MRPS6: variants seen among roughly 807,000 people sequenced by gnomAD.
MRPS6 encodes mitochondrial ribosomal protein S6.
In MRPS6, 6 loss-of-function variants were observed where a neutral mutation model predicts 13.1. That is an observed-to-expected ratio of 0.46 (90% CI 0.25 to 0.91). The LOEUF (loss-of-function observed/expected upper bound fraction) is 0.91, where lower values mean the gene tolerates loss of function less well. MRPS6 is among the 40% of genes least tolerant of loss of function. The probability of loss-of-function intolerance (pLI) is 0.18; values close to 1 mark genes in which losing one functional copy is unlikely to be tolerated. For missense variants in MRPS6, 164 were observed against 155.6 expected, an observed-to-expected ratio of 1.05 and a Z score of -0.29; for synonymous variants, 61 against 56.5, an observed-to-expected ratio of 1.08 and a Z score of -0.36.
intron 1 of MRPS6, among the ~76,000 whole-genome samples, chr21:34,086,649 T>C (rs1978398695): frequency 6.6e-6 from 1 of 152,186 alleles, no homozygotes; most frequent in Non-Finnish European, 1.5e-5. Flanking sequence ...TCCTCAGTTT[T>C]CTCATTTGTA....
rs759387935 is a variant in MRPS6, at chr21:34,142,599, GAGAAGATTCGCC to G, written c.*3_*14del. On this transcript the variant is annotated stop_retained_variant and 3_prime_UTR_variant, in exon 3 of 3. Transcript: ENST00000399312. ...TATTCCACAAAGAAGAGGAAGAAGT[GAGAAGATTCGCC>G]AGATTTTAGCCTTATATGTAATTCC... 1 of 1,596,168 alleles carries G rather than the reference GAGAAGATTCGCC, an allele frequency of 6.3e-7. No individual in the cohort carries two copies.
chr21:34,101,093 T>A lies in MRPS6; in HGVS notation c.46-24248T>A, dbSNP rs570682503. On this transcript the variant is annotated intron_variant, in intron 1 of 2. Coordinates refer to ENST00000399312, the MANE Select transcript of MRPS6 (RefSeq NM_032476.4). ...GACCTTTCCTGTTAAATTACGTGAC[T>A]ACAGAGACTTGCCAGGACAAAATTT... 3.0e-6 allele frequency: 3 copies of A among 1,000,102 alleles called. No homozygotes were observed. In the East Asian group the frequency reaches 3.4e-4, roughly 113 times the overall value. The allele number at this position is 1,000,102 out of a possible 1,614,324, so 62.0% of individuals were successfully genotyped here.
intron 1 of MRPS6, among the ~76,000 whole-genome samples, chr21:34,113,850 A>T (rs752245588): frequency 6.6e-6 from 1 of 152,060 alleles, no homozygotes; most frequent in Non-Finnish European, 1.5e-5. Context: ...CTACCATCTA[A>T]ATCTTTGGTT....
chr21:34,074,949 C>G (rs1226675132), intron 1 of MRPS6, among the ~76,000 whole-genome samples: 2 of 152,230 alleles, frequency 1.3e-5, no homozygotes, highest in Non-Finnish European at 2.9e-5. Context: ...TCCAGACAGC[C>G]TGGCCAGGCA....
At chr21:34,134,391 GA>G (rs989216001) in intron 2 of MRPS6, among the ~76,000 whole-genome samples, 3 of 152,144 alleles carry the variant, frequency 2.0e-5, no homozygotes, top group African/African-American at 7.2e-5. Flanking sequence ...GGAACCCTGG[GA>G]GTCTTCATCA....
chr21:34,108,121 A>G (rs1307806988), intron 1 of MRPS6, among the ~76,000 whole-genome samples: 1 of 152,170 alleles, frequency 6.6e-6, no homozygotes, highest in Non-Finnish European at 1.5e-5. Context: ...ACTCCTGTTG[A>G]TGGTGGTGCT....
At position 34,086,178 on chromosome 21, in the gene MRPS6, C is replaced by A. The variant is rs79895420; in HGVS notation, c.45+12433C>A. On this transcript the variant is annotated intron_variant, in intron 1 of 2. Transcript: ENST00000399312. Reference sequence around the variant, plus strand: ...TTCTATTCCAGGTAATTTCTGTAGACCCATAGGTTCTAGAAATTTGATTAG... The same window carrying A: ...TTCTATTCCAGGTAATTTCTGTAGAACCATAGGTTCTAGAAATTTGATTAG... 7.5e-3 allele frequency among the ~76,000 whole-genome samples: 1,141 copies of A among 152,246 alleles called. 14 individuals carry two copies. The highest frequency in any genetic ancestry group is 0.026 in the African/African-American group (1,094 of 41,532).
At chr21:34,132,027 C>T (rs1489617353) in intron 2 of MRPS6, among the ~76,000 whole-genome samples, 1 of 152,180 alleles carries the variant, frequency 6.6e-6, no homozygotes, top group Non-Finnish European at 1.5e-5. Context: ...TGGAAGCAAC[C>T]AGGAATTGGT....
At chr21:34,135,296 T>G in intron 2 of MRPS6, 2 of 218,636 alleles carry the variant, frequency 9.1e-6, no homozygotes, top group Non-Finnish European at 1.9e-5. Context: ...TAACTGTAGG[T>G]GTATGTTTAG....
intron 1 of MRPS6, among the ~76,000 whole-genome samples, chr21:34,113,241 G>C (rs1373268497): frequency 6.6e-6 from 1 of 152,126 alleles, no homozygotes; most frequent in Non-Finnish European, 1.5e-5. Context: ...CTGGATAAAT[G>C]GAATAAAATC....
At chr21:34,116,105 C>T (rs1456006489) in intron 1 of MRPS6, among the ~76,000 whole-genome samples, 1 of 151,910 alleles carries the variant, frequency 6.6e-6, no homozygotes, top group African/African-American at 2.4e-5. Flanking sequence ...CTTCCCTAGC[C>T]TCAAGCAATC....
At chr21:34,099,497 A>C (rs993512230) in intron 1 of MRPS6, 1 of 999,830 alleles carries the variant, frequency 1.0e-6, no homozygotes. Context: ...GTAAGAACTA[A>C]AATTTTCTTT....
In MRPS6 at chr21:34,109,742, C is replaced by T. The variant is rs528584358; in HGVS notation, c.46-15599C>T. The stretch of plus-strand genomic sequence containing the variant: ...TTTTCCCATTGTTGATTTTCTGCTT[C>T]TACTTCCTTTCTTCCAGAATGTTAT... On this transcript the variant is annotated intron_variant, in intron 1 of 2. Coordinates refer to ENST00000399312, the MANE Select transcript of MRPS6 (RefSeq NM_032476.4). Among the ~76,000 whole-genome samples, 3 of 152,192 alleles carry T rather than the reference C, an allele frequency of 2.0e-5. No homozygotes were observed. In the South Asian group the frequency reaches 6.2e-4, roughly 32 times the overall value.
In MRPS6 at chr21:34,125,357, C is replaced by T; in HGVS notation, c.62C>T (p.Thr21Ile). 6.2e-7 allele frequency: 1 copy of T among 1,611,668 alleles called. No homozygotes were observed. Among genetic ancestry groups the T allele is most frequent in the Middle Eastern group, 1.7e-4 (1 of 6,046 alleles). The change falls in exon 2 of 3, where the codon ACT (threonine) becomes ATT (isoleucine). Residue 21 changes from threonine (T) to isoleucine (I), a missense_variant. Thr to Ile is a moderately conservative substitution (Grantham distance 89). Coordinates refer to ENST00000399312, the MANE Select transcript of MRPS6 (RefSeq NM_032476.4). ...CAAAAACAGCCAGAGACTGCTGCTA[C>T]TTTGAAACGTACGATAGAGGCCCTG... ...KAMQRPETAA[T>I]LKRTIEALMD...
At chr21:34,100,734 TAG>T in intron 1 of MRPS6, 1 of 996,702 alleles carries the variant, frequency 1.0e-6, no homozygotes, top group Non-Finnish European at 1.2e-6. Context: ...TGAGAGCCAA[TAG>T]AGTGTGTCTG....
intron 1 of MRPS6, chr21:34,098,473 T>C (rs2148660340): frequency 1.0e-6 from 1 of 1,000,192 alleles, no homozygotes; most frequent in Admixed American, 6.1e-5. Context: ...ATTTTTTTTT[T>C]CCTCAAAAGA....
chr21:34,134,099 T>G (rs1980602826), intron 2 of MRPS6, among the ~76,000 whole-genome samples: 1 of 152,226 alleles, frequency 6.6e-6, no homozygotes, highest in Admixed American at 6.5e-5. Context: ...GATCACACTA[T>G]TTTAAGCTCT....
chr21:34,133,267 T>C (rs937193314), intron 2 of MRPS6, among the ~76,000 whole-genome samples: 4 of 152,254 alleles, frequency 2.6e-5, no homozygotes, highest in African/African-American at 9.6e-5. Context: ...CTTTTTACCC[T>C]TATCACATCA....
intron 1 of MRPS6, among the ~76,000 whole-genome samples, chr21:34,088,202 A>G (rs1378108804): frequency 3.6e-3 from 1 of 278 alleles, no homozygotes; most frequent in Non-Finnish European, 6.8e-3. Context: ...CTTAGATAGA[A>G]TCTATAGCTG....
Sources: allele counts gnomAD v4.1 joint callset (sites outside exome capture counted in the v4.1 genomes callset), GRCh38; gene constraint gnomAD v4.1.1; transcripts MANE v1.5; gene names NCBI Gene and HGNC (gene_info 2026-07-23, HGNC 2026-07-21).